The following FDFT1 variants were observed in gnomAD, a reference collection of about 807,000 sequenced individuals.
FDFT1 encodes farnesyl-diphosphate farnesyltransferase 1.
In FDFT1, 68 loss-of-function variants were observed where a neutral mutation model predicts 46.8. The observed-to-expected ratio is 1.45, with a 90% CI of 1.19 to 1.78. The LOEUF (loss-of-function observed/expected upper bound fraction) is 1.78, where lower values mean the gene tolerates loss of function less well. FDFT1 is among the 40% of genes most tolerant of loss of function. The pLI is 0.00. For synonymous variants in FDFT1, 351 were observed against 185.1 expected (o/e 1.90, Z -7.28); for missense variants, 928 against 524.4 (o/e 1.77, Z -7.52).
At chr8:11,823,390 A>T (rs192958429) in intron 4 of FDFT1, among the ~76,000 whole-genome samples, 278 of 151,976 alleles carry the variant, frequency 1.8e-3, no homozygotes, top group Non-Finnish European at 3.2e-3. Context: ...ATTTTTTTTT[A>T]AATTTCTAGT....
chr8:11,798,894 A>T (rs945401098), upstream of FDFT1, among the ~76,000 whole-genome samples: 1 of 152,178 alleles, frequency 6.6e-6, no homozygotes, highest in Non-Finnish European at 1.5e-5. Flanking sequence ...AAGGGAGAAG[A>T]GCCTTTATTT....
rs566379578 is a variant in FDFT1 at position 11,808,498 on chromosome 8, C to T, written c.100-296C>T. ...TGCTTGAGTCTATGGAGGAAAAACT[C>T]CGCGGGGTCCGCGATTCCCATGGCC... On this transcript the variant is annotated intron_variant, in intron 1 of 7. Transcript: ENST00000220584. 2,053 of 1,329,424 alleles carry T rather than the reference C, an allele frequency of 1.5e-3. 26 individuals are homozygous for T. The African/African-American group carries it at 0.027, about 18-fold the overall frequency. The allele number at this position is 1,329,424 out of a possible 1,614,324, so 82.4% of individuals were successfully genotyped here. A position where few individuals can be genotyped will look rare whatever the true frequency, so the allele number is the denominator to read the frequency against.
chr8:11,826,747 A>G (rs1810049672), intron 5 of FDFT1, among the ~76,000 whole-genome samples: 1 of 152,178 alleles, frequency 6.6e-6, no homozygotes, highest in African/African-American at 2.4e-5. Flanking sequence ...CCCAGGAAGC[A>G]GAGATTGCGG....
chr8:11,808,841 G>A lies in FDFT1; in HGVS notation c.147G>A (p.Gln49=). Residue 49 remains glutamine, a synonymous_variant, in exon 2 of 8, where the codon CAG becomes CAA. Coordinates refer to ENST00000220584, the MANE Select transcript of FDFT1 (RefSeq NM_004462.5). ...SLKTCYKYLN[Q]TSRSFAAVIQ... ...AAACTTGCTACAAGTATCTCAATCA[G>A]ACCAGTCGCAGTTTCGCAGCTGTTA... The A allele has an allele frequency of 6.2e-7, 1 of 1,614,132 alleles. No individual in the cohort carries two copies. The highest frequency in any genetic ancestry group is 2.2e-5 in the East Asian group (1 of 44,888).
intron 1 of FDFT1, 55 bp from the exon 2 acceptor site, chr8:11,808,734 TCCCAC>T (rs1807259290): frequency 5.1e-6 from 8 of 1,568,034 alleles, no homozygotes; most frequent in Non-Finnish European, 6.0e-6. Context: ...CCACTCCCAC[TCCCAC>T]TCCCACTCCT....
Position 11,830,239 on chromosome 8 carries a change from T to C in FDFT1, c.703-5T>C. Reference sequence around the variant, plus strand: ...ACCTGTTCCTTAATCTTCTTATCTGTCTAGGTTTGGAGCAGGTATGTTAAG... The same window carrying C: ...ACCTGTTCCTTAATCTTCTTATCTGCCTAGGTTTGGAGCAGGTATGTTAAG... On this transcript the variant is annotated splice_polypyrimidine_tract_variant and splice_region_variant and intron_variant, in intron 5 of 7. Coordinates refer to ENST00000220584, the MANE Select transcript of FDFT1 (RefSeq NM_004462.5). The C allele has an allele frequency of 6.2e-7, 1 of 1,611,756 alleles. No homozygotes were observed. Among genetic ancestry groups the C allele is most frequent in the Non-Finnish European group, 8.5e-7 (1 of 1,177,816 alleles).
At chr8:11,808,610 A>AGGCACCGCCCCGCG in intron 1 of FDFT1, 184 bp from the exon 2 acceptor site, 1 of 1,390,180 alleles carries the variant, frequency 7.2e-7, no homozygotes, top group Non-Finnish European at 9.3e-7. Context: ...GCCCGGGCGC[A>AGGCACCGCCCCGCG]GGCACCGCCC....
chr8:11,801,867 TTTTTAGTAGAGACGGG>T, upstream of FDFT1: 1 of 317,982 alleles, frequency 3.1e-6, no homozygotes, highest in Non-Finnish European at 6.4e-6. Context: ...CTTTTTTGTA[TTTTTAGTAGAGACGGG>T]TTTCACCATG....
rs752380491 is a variant in FDFT1, at chr8:11,838,399, A to G, written c.1044A>G (p.Arg348=). 5.0e-6 allele frequency: 8 copies of G among 1,613,482 alleles called. No individual in the cohort carries two copies. Among genetic ancestry groups the G allele is most frequent in the African/African-American group, 1.3e-5 (1 of 74,930 alleles). ...IYQYMEEIYH[R]IPDSDPSSSK... Reference sequence around the variant, plus strand: ...TGTGTCTTTAACAGATTTATCATAGAATCCCCGACTCAGACCCATCTTCTA... The same window carrying G: ...TGTGTCTTTAACAGATTTATCATAGGATCCCCGACTCAGACCCATCTTCTA... Residue 348 remains arginine, a synonymous_variant, in exon 8 of 8, where the codon AGA becomes AGG. Coordinates refer to ENST00000220584, the MANE Select transcript of FDFT1 (RefSeq NM_004462.5).
intron 3 of FDFT1, among the ~76,000 whole-genome samples, chr8:11,818,530 T>C (rs928201888): frequency 3.9e-5 from 6 of 152,204 alleles, no homozygotes; most frequent in African/African-American, 1.4e-4. Flanking sequence ...ACTTGCTTTA[T>C]GAATCTGGGT....
Position 11,796,751 on chromosome 8 carries a change from G to C in FDFT1, c.-94+740G>C, listed in dbSNP as rs543919870. Among the ~76,000 whole-genome samples, 179 of 152,364 alleles carry C rather than the reference G, an allele frequency of 1.2e-3. 1 individual carries two copies. The highest frequency in any genetic ancestry group is 2.0e-3 in the Non-Finnish European group (135 of 68,034). ...ACCATTTGGGGCTGATTGCTGCTGA[G>C]GTTGTGGTTTTCTTGCAGGACAGGC... On this transcript the variant is annotated intron_variant, in intron 1 of 7. Transcript: ENST00000538689.
intron 3 of FDFT1, among the ~76,000 whole-genome samples, chr8:11,821,457 G>T (rs1436617104): frequency 6.6e-6 from 1 of 152,186 alleles, no homozygotes; most frequent in Non-Finnish European, 1.5e-5. Flanking sequence ...TGGGCGTGGT[G>T]GTGCATGCCT....
chr8:11,828,592 A>C (rs1305776491), intron 5 of FDFT1, among the ~76,000 whole-genome samples: 3 of 152,268 alleles, frequency 2.0e-5, no homozygotes, highest in Non-Finnish European at 4.4e-5. Flanking sequence ...AGCGTGAGCC[A>C]CACCATCTTG....
At chr8:11,834,243 C>T (rs866054849) in intron 7 of FDFT1, among the ~76,000 whole-genome samples, 9 of 152,228 alleles carry the variant, frequency 5.9e-5, no homozygotes, top group South Asian at 4.1e-4. Flanking sequence ...CAGGTCTTCA[C>T]GAGCAGTTGG....
At chr8:11,799,805 C>T (rs1054442166), upstream of FDFT1, among the ~76,000 whole-genome samples, 2 of 151,522 alleles carry the variant, frequency 1.3e-5, no homozygotes, top group African/African-American at 4.9e-5. Flanking sequence ...AATTAGCTGG[C>T]CGTGGTGGTA....
At chr8:11,799,553 A>G (rs771045506), upstream of FDFT1, among the ~76,000 whole-genome samples, 1 of 152,212 alleles carries the variant, frequency 6.6e-6, no homozygotes, top group Non-Finnish European at 1.5e-5. Context: ...TGTTAATGCC[A>G]GCCAGTTGTG....
At chr8:11,797,522 C>T (rs556927851), upstream of FDFT1, among the ~76,000 whole-genome samples, 4 of 40,958 alleles carry the variant, frequency 9.8e-5, no homozygotes, top group Middle Eastern at 0.01. Context: ...ATGTTTGTTG[C>T]ATTTAAAGAA....
intron 3 of FDFT1, among the ~76,000 whole-genome samples, chr8:11,815,659 T>A (rs146217027): frequency 0.019 from 2,837 of 152,368 alleles, 28 homozygotes; most frequent in Non-Finnish European, 0.028. Flanking sequence ...GTTGGCTGCA[T>A]AAATGTCTTC....
At chr8:11,826,240 G>T (rs1297724045) in intron 5 of FDFT1, 25 bp downstream of exon 5, 9 of 1,455,944 alleles carry the variant, frequency 6.2e-6, no homozygotes, top group Non-Finnish European at 8.3e-6. Context: ...GTATTTTGGG[G>T]GAAAATAACT....
Sources: gnomAD v4.1 joint callset for allele counts (sites outside exome capture counted in the v4.1 genomes callset) on GRCh38, gnomAD v4.1.1 for gene constraint, MANE v1.5 for transcripts, NCBI Gene and HGNC (gene_info 2026-07-23, HGNC 2026-07-21) for gene names.